The following TEKT5 variants were observed in gnomAD, a reference collection of about 807,000 sequenced individuals.
TEKT5 encodes the protein tektin-5.
TEKT5 carries 52 observed loss-of-function variants against 48.7 expected under a neutral mutation model. The observed-to-expected ratio is 1.07, with a 90% CI of 0.86 to 1.35. The LOEUF is 1.35. Ranked by LOEUF, TEKT5 falls within the 40% of genes most tolerant of loss-of-function variation. The probability of loss-of-function intolerance (pLI) is 0.00; values close to 1 mark genes in which losing one functional copy is unlikely to be tolerated. For missense variants in TEKT5, 831 were observed against 641.6 expected (o/e 1.30, Z -3.19); for synonymous variants, 318 against 267.6 (o/e 1.19, Z -1.84).
At chr16:10,662,128 A>C (rs1898382917) in intron 5 of TEKT5, among the ~76,000 whole-genome samples, 2 of 152,124 alleles carry the variant, frequency 1.3e-5, no homozygotes, top group Admixed American at 6.5e-5. Context: ...GGTGGGGGGT[A>C]GGGACTGTCC....
At chr16:10,666,760 C>T (rs1325725104) in intron 5 of TEKT5, among the ~76,000 whole-genome samples, 6 of 152,158 alleles carry the variant, frequency 3.9e-5, no homozygotes, top group South Asian at 2.1e-4. Context: ...AACTGTGTCT[C>T]GTCAAAAGTG....
chr16:10,675,887 T>C, intron 5 of TEKT5, 72 bp downstream of exon 5: 4 of 1,507,322 alleles, frequency 2.7e-6, no homozygotes, highest in Non-Finnish European at 2.8e-6. Context: ...TTGGCCCAGA[T>C]AACACTCAGA....
At chr16:10,640,581 C>T (rs987401243) in intron 5 of TEKT5, among the ~76,000 whole-genome samples, 1 of 152,178 alleles carries the variant, frequency 6.6e-6, no homozygotes, top group African/African-American at 2.4e-5. Flanking sequence ...ATGAATCCAT[C>T]ACTCCCAAAG....
rs74007171 is a variant in TEKT5, at chr16:10,627,574, G to A, written c.*9C>T. 1,560 of 1,613,944 alleles carry A rather than the reference G, an allele frequency of 9.7e-4. 12 individuals are homozygous for A. The African/African-American group carries it at 0.019, about 19-fold the overall frequency. On this transcript the variant is annotated 3_prime_UTR_variant, in exon 7 of 7. Coordinates refer to ENST00000283025, the MANE Select transcript of TEKT5 (RefSeq NM_144674.2). ...TACGCCAGCGCGGAATGAGGCGCCA[G>A]GGCGGTGCTCAGGTGTGGCCCACCA... is the stretch of plus-strand genomic sequence containing the variant.
Position 10,670,985 on chromosome 16 carries a change from G to A in TEKT5, c.1086+4974C>T, listed in dbSNP as rs560594172. Reference sequence around the variant, plus strand: ...AGTGCCACGATCATAGCTCACTGCAGCATCAAACTCCGGGGCTCAAGGGAT... The same window carrying A: ...AGTGCCACGATCATAGCTCACTGCAACATCAAACTCCGGGGCTCAAGGGAT... On this transcript the variant is annotated intron_variant, in intron 5 of 6. Transcript: ENST00000283025. Among the ~76,000 whole-genome samples the A allele has an allele frequency of 3.3e-5, 5 of 152,062 alleles. No homozygotes were observed. In the East Asian group the frequency reaches 9.7e-4, roughly 29 times the overall value.
chr16:10,694,233 T>C lies in TEKT5; in HGVS notation c.564+77A>G, dbSNP rs1230442359. On this transcript the variant is annotated intron_variant, in intron 1 of 6. Transcript: ENST00000283025. ...CTGCAAGGTGCCTGCCACCTTCATC[T>C]TCAGTCAAGGGAAGCAGAATGAGCG... 3 of 1,447,340 alleles carry C rather than the reference T, an allele frequency of 2.1e-6. No homozygotes were observed. In the East Asian group the frequency reaches 6.9e-5, roughly 33 times the overall value. 89.7% of individuals were successfully genotyped at this position (1,447,340 alleles called of 1,614,324 possible).
In TEKT5 at chr16:10,653,222, C is replaced by T. The variant is rs1898199385; in HGVS notation, c.1087-17304G>A. Among the ~76,000 whole-genome samples the T allele has an allele frequency of 2.0e-5, 3 of 152,346 alleles. No homozygotes were observed. In the South Asian group the frequency reaches 6.2e-4, roughly 32 times the overall value. ...AGGAGTCCTGGCATCCTGGGTCTGG[C>T]AGCCAGCCCTGCCTTCCCCGCCCAG... On this transcript the variant is annotated intron_variant, in intron 5 of 6. Transcript: ENST00000283025.
rs1897906229 is a variant in TEKT5 at position 10,635,898 on chromosome 16, C to T, written c.1107G>A (p.Gln369=). 2 of 1,614,010 alleles carry T rather than the reference C, an allele frequency of 1.2e-6. No homozygotes were observed. The highest frequency in any genetic ancestry group is 1.7e-6 in the Non-Finnish European group (2 of 1,180,034). Residue 369 remains glutamine, a synonymous_variant, in exon 6 of 7, where the codon CAG becomes CAA. Coordinates refer to ENST00000283025, the MANE Select transcript of TEKT5 (RefSeq NM_144674.2). Reference sequence around the variant, plus strand: ...CCAGCAGCATGATGGTGTTCTCGGCCTGGAAGATCTCCTGCAGCGTCTGCG... The same window carrying T: ...CCAGCAGCATGATGGTGTTCTCGGCTTGGAAGATCTCCTGCAGCGTCTGCG... ...QLAKTLQEIF[Q]AENTIMLLER... is the part of the protein sequence containing the mutation.
At chr16:10,647,910 T>C (rs1898095837) in intron 5 of TEKT5, among the ~76,000 whole-genome samples, 1 of 152,258 alleles carries the variant, frequency 6.6e-6, no homozygotes, top group African/African-American at 2.4e-5. Flanking sequence ...TGGAAAACCC[T>C]GTCCTTGTGG....
intron 5 of TEKT5, among the ~76,000 whole-genome samples, chr16:10,657,756 A>ATTTTTTTTT (rs59166602): frequency 7.4e-6 from 1 of 134,964 alleles, no homozygotes. Context: ...CGCCAAGCTA[A>ATTTTTTTTT]TTTTTTTTTT....
intron 1 of TEKT5, among the ~76,000 whole-genome samples, 177 bp downstream of exon 1, chr16:10,694,133 T>C (rs531340169): frequency 5.3e-5 from 8 of 152,216 alleles, no homozygotes; most frequent in Non-Finnish European, 1.0e-4. Context: ...CAAGAAACCC[T>C]GATTTGACTG....
At chr16:10,679,037 C>T (rs1898699438) in intron 4 of TEKT5, among the ~76,000 whole-genome samples, 1 of 152,146 alleles carries the variant, frequency 6.6e-6, no homozygotes, top group South Asian at 2.1e-4. Context: ...GCTGTGTGAG[C>T]TTGAGCCAAT....
rs79141484 is a variant in TEKT5 at position 10,650,442 on chromosome 16, G to C, written c.1087-14524C>G. 6.8e-3 allele frequency among the ~76,000 whole-genome samples: 1,031 copies of C among 152,126 alleles called. 13 individuals carry two copies. Among genetic ancestry groups the C allele is most frequent in the African/African-American group, 0.024 (996 of 41,504 alleles). On this transcript the variant is annotated intron_variant, in intron 5 of 6. Transcript: ENST00000283025. ...ACGGGGCCTGTCTGCAGCTTTTCCA[G>C]AATTGGCTTCCCTAGAACCTATCGA...
chr16:10,634,196 G>A (rs1897880812), intron 6 of TEKT5, among the ~76,000 whole-genome samples: 1 of 152,122 alleles, frequency 6.6e-6, no homozygotes, highest in Non-Finnish European at 1.5e-5. Flanking sequence ...AACAGTAGGA[G>A]TAACTGACTT....
At chr16:10,693,342 G>A (rs1899014883) in intron 1 of TEKT5, among the ~76,000 whole-genome samples, 3 of 152,184 alleles carry the variant, frequency 2.0e-5, no homozygotes, top group Admixed American at 6.5e-5. Flanking sequence ...TGATCCACCT[G>A]CCCTGGCCTC....
At chr16:10,667,845 A>G (rs984856639) in intron 5 of TEKT5, among the ~76,000 whole-genome samples, 1 of 151,658 alleles carries the variant, frequency 6.6e-6, no homozygotes, top group African/African-American at 2.4e-5. Flanking sequence ...AGAGGGTACC[A>G]TAACAATAGG....
chr16:10,670,281 C>G (rs961474837), intron 5 of TEKT5, among the ~76,000 whole-genome samples: 3 of 152,214 alleles, frequency 2.0e-5, no homozygotes, highest in African/African-American at 7.2e-5. Flanking sequence ...AATCCCAGCA[C>G]TGTGGCAGGC....
intron 6 of TEKT5, among the ~76,000 whole-genome samples, chr16:10,635,028 A>G (rs929339628): frequency 6.6e-6 from 1 of 152,132 alleles, no homozygotes; most frequent in Non-Finnish European, 1.5e-5. Flanking sequence ...TTACACAGCA[A>G]TAGACAACTA....
chr16:10,663,632 G>A (rs1231172078), intron 5 of TEKT5, among the ~76,000 whole-genome samples: 1 of 152,152 alleles, frequency 6.6e-6, no homozygotes, highest in East Asian at 1.9e-4. Flanking sequence ...CCAGAGCTGG[G>A]ACTCTCAACC....
Sources: allele counts gnomAD v4.1 joint callset (sites outside exome capture counted in the v4.1 genomes callset), GRCh38; gene constraint gnomAD v4.1.1; transcripts MANE v1.5; gene names NCBI Gene and HGNC (gene_info 2026-07-23, HGNC 2026-07-21).